Variants in ANKRD10 observed in about 807,000 individuals in gnomAD.
The protein encoded by ANKRD10 is ankyrin repeat domain-containing protein 10.
Under a neutral mutation model 27.0 loss-of-function variants are expected in ANKRD10, and 14 were observed. The ratio of observed to expected loss-of-function variants is 0.52; its 90% CI spans 0.34 to 0.81. The LOEUF is 0.81. ANKRD10 is among the 40% of genes least tolerant of loss of function. The pLI is 0.01. For synonymous variants in ANKRD10, 250 were observed against 224.5 expected, an observed-to-expected ratio of 1.11 and a Z score of -1.01; for missense variants, 493 against 544.0, an observed-to-expected ratio of 0.91 and a Z score of 0.93.
chr13:110,889,275 C>CA (rs1033705278), intron 4 of ANKRD10, among the ~76,000 whole-genome samples: 1 of 152,138 alleles, frequency 6.6e-6, no homozygotes, highest in East Asian at 1.9e-4. Flanking sequence ...AAAACAACAA[C>CA]AAAAAAATTA....
chr13:110,900,910 A>G (rs1171878537), intron 3 of ANKRD10, among the ~76,000 whole-genome samples: 1 of 152,246 alleles, frequency 6.6e-6, no homozygotes, highest in Non-Finnish European at 1.5e-5. Flanking sequence ...CTACTGCTCT[A>G]AAACACTGCC....
intron 4 of ANKRD10, 126 bp from the exon 5 acceptor site, chr13:110,883,919 C>T (rs2064866433): frequency 8.8e-7 from 1 of 1,130,598 alleles, no homozygotes; most frequent in African/African-American, 1.6e-5. Context: ...AAAAAATCGA[C>T]AGGTCACTAA....
At chr13:110,892,982 G>A (rs1467941098) in intron 4 of ANKRD10, 46 bp downstream of exon 4, 2 of 1,601,016 alleles carry the variant, frequency 1.2e-6, no homozygotes, top group Non-Finnish European at 1.7e-6. Context: ...ACATATTACA[G>A]AAAGGAAAAA....
chr13:110,910,833 T>A, intron 1 of ANKRD10, 63 bp from the exon 2 acceptor site: 1 of 1,471,616 alleles, frequency 6.8e-7, no homozygotes. Context: ...CAATATTACA[T>A]GAATAATCGA....
At chr13:110,892,436 AT>A (rs35162470) in intron 4 of ANKRD10, among the ~76,000 whole-genome samples, 3 of 144,470 alleles carry the variant, frequency 2.1e-5, no homozygotes, top group Admixed American at 6.9e-5. Context: ...AAAAAAAAAA[AT>A]GGTGGGAGAA....
chr13:110,914,997 A>AGCC lies in ANKRD10; in HGVS notation c.-66_-64dup, dbSNP rs1004402798. 7.4e-6 allele frequency: 11 copies of AGCC among 1,489,054 alleles called. No individual in the cohort carries two copies. Among genetic ancestry groups the AGCC allele is most frequent in the East Asian group, 2.5e-5 (1 of 40,054 alleles). 92.2% of individuals were successfully genotyped at this position (1,489,054 alleles called of 1,614,324 possible). On this transcript the variant is annotated 5_prime_UTR_variant, in exon 1 of 6. Coordinates refer to ENST00000267339, the MANE Select transcript of ANKRD10 (RefSeq NM_017664.4). ...AGGACGCGTCGGGGAGGACTCGAGA[A>AGCC]GCCGCCGCCGCAGCACAAAGGAACG...
chr13:110,890,476 A>G (rs554008748), intron 4 of ANKRD10, among the ~76,000 whole-genome samples: 3 of 152,222 alleles, frequency 2.0e-5, no homozygotes, highest in African/African-American at 7.2e-5. Flanking sequence ...TCTTGTGACG[A>G]GTGTGGCAAA....
intron 3 of ANKRD10, 133 bp from the exon 4 acceptor site, chr13:110,893,396 G>T: frequency 1.2e-6 from 1 of 800,330 alleles, no homozygotes; most frequent in Non-Finnish European, 2.0e-6. Flanking sequence ...CATTAAAGAA[G>T]TAGTTAATCA....
At position 110,910,664 on chromosome 13, in the gene ANKRD10, T is replaced by A; in HGVS notation, c.317A>T (p.Gln106Leu). The change falls in exon 2 of 6, where the codon CAG becomes CTG. Residue 106 changes from glutamine (Q) to leucine (L), a missense_variant. Physicochemically the swap from Gln to Leu is moderately radical, Grantham distance 113. Transcript: ENST00000267339. ...TGCTTGAATCAGCCAGACCAGGCAC[T>A]GAGGATGTCCCCCAAAGGCTGCAAT... ...AHIAAFGGHP[Q>L]CLVWLIQAGA... is the part of the protein sequence containing the mutation. The A allele has an allele frequency of 6.2e-7, 1 of 1,614,176 alleles. No individual in the cohort carries two copies. Among genetic ancestry groups the A allele is most frequent in the Non-Finnish European group, 8.5e-7 (1 of 1,180,034 alleles).
intron 2 of ANKRD10, among the ~76,000 whole-genome samples, chr13:110,909,469 T>C (rs1318170847): frequency 3.3e-5 from 5 of 152,162 alleles, no homozygotes; most frequent in African/African-American, 7.2e-5. Flanking sequence ...CAGAGAAATA[T>C]ACATTATGTA....
chr13:110,903,860 T>C (rs942250436), intron 3 of ANKRD10, among the ~76,000 whole-genome samples: 3 of 152,188 alleles, frequency 2.0e-5, no homozygotes, highest in Non-Finnish European at 2.9e-5. Flanking sequence ...GTTAATTCTA[T>C]GCTCCTTGAA....
chr13:110,883,620 C>G, intron 5 of ANKRD10, 78 bp downstream of exon 5: 4 of 1,582,182 alleles, frequency 2.5e-6, no homozygotes, highest in Non-Finnish European at 3.5e-6. Flanking sequence ...TTTGGTCCAA[C>G]AGAACCACTC....
At chr13:110,893,559 G>A (rs981708800) in intron 3 of ANKRD10, among the ~76,000 whole-genome samples, 11 of 152,070 alleles carry the variant, frequency 7.2e-5, no homozygotes, top group African/African-American at 2.4e-4. Flanking sequence ...CTAAATTTAC[G>A]CTAACTTCAG....
intron 4 of ANKRD10, among the ~76,000 whole-genome samples, chr13:110,887,662 T>A (rs115913509): frequency 3.3e-3 from 499 of 152,318 alleles, no homozygotes; most frequent in African/African-American, 0.012. Context: ...TCAGGAGACA[T>A]TTTACAAGTC....
At chr13:110,889,487 G>C (rs2065020278) in intron 4 of ANKRD10, among the ~76,000 whole-genome samples, 1 of 151,250 alleles carries the variant, frequency 6.6e-6, no homozygotes, top group Non-Finnish European at 1.5e-5. Context: ...TTTTATGAAA[G>C]TATGACTTCT....
chr13:110,882,780 G>C (rs2064843911), intron 5 of ANKRD10, among the ~76,000 whole-genome samples: 1 of 152,100 alleles, frequency 6.6e-6, no homozygotes, highest in Non-Finnish European at 1.5e-5. Flanking sequence ...TTTAAGTTTA[G>C]TGAACACAAA....
Position 110,893,125 on chromosome 13 carries a change from A to G in ANKRD10, c.594T>C (p.His198=), listed in dbSNP as rs371679863. The G allele has an allele frequency of 3.2e-5, 51 of 1,614,094 alleles. No individual in the cohort carries two copies. Among genetic ancestry groups the G allele is most frequent in the Non-Finnish European group, 4.2e-5 (49 of 1,180,036 alleles). The change falls in exon 4 of 6, where the codon CAT becomes CAC. Residue 198 remains histidine, a synonymous_variant. Coordinates refer to ENST00000267339, the MANE Select transcript of ANKRD10 (RefSeq NM_017664.4). ...TAATATGATTAGGAAATACATTCTG[A>G]TGACCCCCATTTAAGATGCCATTGT... is the stretch of plus-strand genomic sequence containing the variant. The part of the protein sequence containing the change: ...FYNNGILNGG[H]QNVFPNHISV...
intron 1 of ANKRD10, among the ~76,000 whole-genome samples, chr13:110,912,458 T>C (rs2065744565): frequency 6.6e-6 from 1 of 152,328 alleles, no homozygotes; most frequent in South Asian, 2.1e-4. Flanking sequence ...AAGTATTAAT[T>C]AGCGATAAGA....
chr13:110,892,700 C>T (rs936220782), intron 4 of ANKRD10: 30 of 996,694 alleles, frequency 3.0e-5, no homozygotes, highest in Non-Finnish European at 3.6e-5. Context: ...AATTCAGGCA[C>T]AGTGGCAGAT....
Sources: allele counts gnomAD v4.1 joint callset (sites outside exome capture counted in the v4.1 genomes callset), GRCh38; gene constraint gnomAD v4.1.1; transcripts MANE v1.5; gene names NCBI Gene and HGNC (gene_info 2026-07-23, HGNC 2026-07-21).